The following ALK variants were observed in gnomAD, a reference collection of about 807,000 sequenced individuals.
ALK encodes the protein ALK tyrosine kinase receptor.
In ALK, 74 loss-of-function variants were observed where a neutral mutation model predicts 163.1. That is an observed-to-expected ratio of 0.45 (90% confidence interval 0.38 to 0.55). The LOEUF (loss-of-function observed/expected upper bound fraction) is 0.55. Ranked by LOEUF, ALK falls within the 20% of genes least tolerant of loss-of-function variation. The pLI is 0.00. For synonymous variants in ALK, 960 were observed against 843.2 expected, an observed-to-expected ratio of 1.14 and a Z score of -2.40; for missense variants, 2,063 against 2,105.3, an observed-to-expected ratio of 0.98 and a Z score of 0.39.
rs1211118701 is a variant in ALK, at chr2:29,810,698, G to A, written c.668-93001C>T. Among the ~76,000 whole-genome samples the A allele has an allele frequency of 2.0e-5, 3 of 152,102 alleles. No homozygotes were observed. The East Asian group carries it at 5.8e-4, about 29-fold the overall frequency. On this transcript the variant is annotated intron_variant, in intron 1 of 28. Transcript: ENST00000389048. Reference sequence around the variant, plus strand: ...GTGCTGATAAAGTGGCAACCACAGGGCCTTTTCTGGCTGTCTCTTAGGCCT... The same window carrying A: ...GTGCTGATAAAGTGGCAACCACAGGACCTTTTCTGGCTGTCTCTTAGGCCT...
At chr2:29,481,026 C>T (rs1368873751) in intron 4 of ALK, among the ~76,000 whole-genome samples, 1 of 152,178 alleles carries the variant, frequency 6.6e-6, no homozygotes, top group Non-Finnish European at 1.5e-5. Flanking sequence ...TGAACCATCT[C>T]ATATATCACG....
At chr2:29,484,252 G>T (rs2148120432) in intron 4 of ALK, among the ~76,000 whole-genome samples, 1 of 152,170 alleles carries the variant, frequency 6.6e-6, no homozygotes, top group South Asian at 2.1e-4. Flanking sequence ...GAATGACTTT[G>T]TCTTCTTAAC....
chr2:29,820,946 G>T (rs2148378587), intron 1 of ALK, among the ~76,000 whole-genome samples: 1 of 152,202 alleles, frequency 6.6e-6, no homozygotes, highest in East Asian at 1.9e-4. Context: ...GGGGATACAT[G>T]TTGTTCTCAG....
At chr2:29,225,730 G>T (rs2148176908) in intron 18 of ALK, among the ~76,000 whole-genome samples, 165 bp from the exon 19 acceptor site, 1 of 152,302 alleles carries the variant, frequency 6.6e-6, no homozygotes, top group Middle Eastern at 3.4e-3. Flanking sequence ...AGCAGGACCA[G>T]ACTCATCCCG....
chr2:29,571,320 C>A (rs934781784), intron 3 of ALK, among the ~76,000 whole-genome samples: 2 of 152,120 alleles, frequency 1.3e-5, no homozygotes, highest in Non-Finnish European at 2.9e-5. Context: ...CAATTGTAAT[C>A]CCCACATGTC....
At chr2:29,548,757 C>G (rs1055132285) in intron 3 of ALK, among the ~76,000 whole-genome samples, 1 of 151,998 alleles carries the variant, frequency 6.6e-6, no homozygotes, top group Non-Finnish European at 1.5e-5. Flanking sequence ...TAATATTTAA[C>G]AAAAAAGTGG....
At chr2:29,704,130 A>T (rs2541203) in intron 2 of ALK, among the ~76,000 whole-genome samples, 1 of 151,848 alleles carries the variant, frequency 6.6e-6, no homozygotes, top group Non-Finnish European at 1.5e-5. Context: ...AACATCATGC[A>T]TACACGGCAA....
chr2:29,635,550 G>C (rs566057555), intron 3 of ALK, among the ~76,000 whole-genome samples: 1 of 152,228 alleles, frequency 6.6e-6, no homozygotes, highest in South Asian at 2.1e-4. Context: ...AGGGAGAATG[G>C]CTCTGCTGAC....
At chr2:29,301,120 C>T (rs1446006177) in intron 8 of ALK, among the ~76,000 whole-genome samples, 1 of 152,232 alleles carries the variant, frequency 6.6e-6, no homozygotes, top group Non-Finnish European at 1.5e-5. Context: ...AATGCGGGTT[C>T]CAGACTCCCC....
intron 1 of ALK, among the ~76,000 whole-genome samples, chr2:29,884,295 C>A (rs1458291407): frequency 1.3e-5 from 2 of 152,134 alleles, no homozygotes; most frequent in Non-Finnish European, 2.9e-5. Flanking sequence ...TTTAATAACA[C>A]CATGGGACCC....
Position 29,286,824 on chromosome 2 carries a change from G to C in ALK, c.1817+10064C>G, listed in dbSNP as rs965674170. ...TTTGTGGAGAAGAAGCGTGATCAAT[G>C]CTCAGCATAGCTAAATGAAGAAGAG... On this transcript the variant is annotated intron_variant, in intron 9 of 28. Coordinates refer to ENST00000389048, the MANE Select transcript of ALK (RefSeq NM_004304.5). The C allele has an allele frequency of 2.0e-5, 3 of 152,062 alleles. No individual in the cohort carries two copies. The South Asian group carries it at 6.2e-4, about 32-fold the overall frequency. The allele number at this position is 152,062 out of a possible 1,614,324, so 9.4% of individuals were successfully genotyped here. A position where few individuals can be genotyped will look rare whatever the true frequency, so the allele number is the denominator to read the frequency against.
intron 1 of ALK, among the ~76,000 whole-genome samples, chr2:29,875,610 G>A (rs560642487): frequency 5.9e-5 from 9 of 152,122 alleles, no homozygotes; most frequent in East Asian, 1.9e-4. Flanking sequence ...AGGCCCCGGC[G>A]TGTGATGTTC....
chr2:29,837,827 A>G (rs1475670120), intron 1 of ALK, among the ~76,000 whole-genome samples: 1 of 152,214 alleles, frequency 6.6e-6, no homozygotes, highest in Middle Eastern at 3.2e-3. Context: ...GGCAAAGAAG[A>G]AAGAAAATGT....
chr2:29,228,816 G>A, intron 16 of ALK, 68 bp downstream of exon 16: 1 of 1,062,844 alleles, frequency 9.4e-7, no homozygotes, highest in South Asian at 1.3e-5. Context: ...GGGAGGGCAG[G>A]GCAGGGAGGT....
chr2:29,503,813 C>T (rs1273271571), intron 4 of ALK, among the ~76,000 whole-genome samples: 1 of 151,888 alleles, frequency 6.6e-6, no homozygotes, highest in South Asian at 2.1e-4. Flanking sequence ...CAAAATTTAT[C>T]GAGCTTCTAC....
chr2:29,258,957 G>A (rs1034424705), intron 11 of ALK, among the ~76,000 whole-genome samples: 1 of 152,084 alleles, frequency 6.6e-6, no homozygotes, highest in Non-Finnish European at 1.5e-5. Flanking sequence ...ATGCATATAT[G>A]TATATCAGTA....
intron 4 of ALK, among the ~76,000 whole-genome samples, chr2:29,452,478 C>A (rs1050327332): frequency 6.6e-6 from 1 of 152,098 alleles, no homozygotes; most frequent in Non-Finnish European, 1.5e-5. Flanking sequence ...TCATTAAAGT[C>A]ATCTCATTTA....
At chr2:29,506,972 T>C (rs62129133) in intron 4 of ALK, among the ~76,000 whole-genome samples, 9,170 of 152,170 alleles carry the variant, frequency 0.06, 394 homozygotes, top group Non-Finnish European at 0.093. Context: ...TGGTAACTCC[T>C]TAGAAAATTA....
At chr2:29,878,395 A>G (rs1407224839) in intron 1 of ALK, among the ~76,000 whole-genome samples, 2 of 152,192 alleles carry the variant, frequency 1.3e-5, no homozygotes, top group African/African-American at 2.4e-5. Flanking sequence ...CTCTCACAAC[A>G]TTCCTGCAGT....
Sources: gnomAD v4.1 joint callset for allele counts (sites outside exome capture counted in the v4.1 genomes callset) on GRCh38, gnomAD v4.1.1 for gene constraint, MANE v1.5 for transcripts, NCBI Gene and HGNC (gene_info 2026-07-23, HGNC 2026-07-21) for gene names.